The following PTPRD variants were observed in gnomAD, a reference collection of about 807,000 sequenced individuals.
PTPRD encodes the protein protein tyrosine phosphatase receptor type D.
PTPRD carries 34 observed loss-of-function variants against 214.5 expected under a neutral mutation model. The ratio of observed to expected loss-of-function variants is 0.16; its 90% CI spans 0.12 to 0.21. PTPRD has a LOEUF of 0.21. PTPRD is among the 10% of genes least tolerant of loss of function. The pLI is 1.00. For synonymous variants in PTPRD, 1,128 were observed against 845.7 expected (o/e 1.33, Z -5.79); for missense variants, 2,545 against 2,398.7 (o/e 1.06, Z -1.27).
chr9:9,369,542 T>A (rs1450223702), intron 9 of PTPRD, among the ~76,000 whole-genome samples: 5 of 152,138 alleles, frequency 3.3e-5, no homozygotes, highest in African/African-American at 1.2e-4. Context: ...TGCAAACATT[T>A]TCTCCCATTC....
At position 10,360,386 on chromosome 9, in the gene PTPRD, G is replaced by C. The variant is rs186668037; in HGVS notation, c.-599-19369C>G. On this transcript the variant is annotated intron_variant, in intron 2 of 45. Coordinates refer to ENST00000381196, the MANE Select transcript of PTPRD (RefSeq NM_002839.4). ...CATTTATTTTACTATATCAGACAAT[G>C]TCATGCCATTGCTAGCCATTCTGCA... Among the ~76,000 whole-genome samples, 35 of 152,320 alleles carry C rather than the reference G, an allele frequency of 2.3e-4. No homozygotes were observed. In the East Asian group the frequency reaches 3.9e-3, roughly 17 times the overall value.
chr9:10,056,044 C>T (rs988465348), intron 3 of PTPRD, among the ~76,000 whole-genome samples: 3 of 146,314 alleles, frequency 2.1e-5, no homozygotes, highest in East Asian at 1.9e-4. Context: ...ATTAAAGAGC[C>T]GGGCGCAGTG....
At chr9:8,324,881 C>T (rs954976180) in intron 44 of PTPRD, among the ~76,000 whole-genome samples, 4 of 152,122 alleles carry the variant, frequency 2.6e-5, no homozygotes, top group Admixed American at 6.6e-5. Flanking sequence ...ATATGTTTGT[C>T]TGCCGCATCA....
rs919011152 is a variant in PTPRD at position 9,537,256 on chromosome 9, GA to G, written c.-237+37475del. On this transcript the variant is annotated intron_variant, in intron 8 of 45. Coordinates refer to ENST00000381196, the MANE Select transcript of PTPRD (RefSeq NM_002839.4). ...TCTTTTCATTTTTTTTATTTTTATA[GA>G]AAAAAACGAAGTTTTAACGAACTTC... Among the ~76,000 whole-genome samples the G allele has an allele frequency of 5.8e-4, 88 of 151,682 alleles. 1 individual carries two copies. Among genetic ancestry groups the G allele is most frequent in the Admixed American group, 3.1e-3 (47 of 15,214 alleles).
chr9:9,334,803 G>A (rs909021519), intron 9 of PTPRD, among the ~76,000 whole-genome samples: 3 of 151,802 alleles, frequency 2.0e-5, no homozygotes, highest in African/African-American at 7.2e-5. Context: ...TTGTTCAGAA[G>A]TGCAGAGAAA....
chr9:8,548,961 G>A (rs539837517), intron 14 of PTPRD, among the ~76,000 whole-genome samples: 1 of 152,148 alleles, frequency 6.6e-6, no homozygotes, highest in African/African-American at 2.4e-5. Context: ...AAAGTGATGG[G>A]ATTACAGATG....
At chr9:8,691,456 G>A (rs559313910) in intron 12 of PTPRD, among the ~76,000 whole-genome samples, 2 of 150,042 alleles carry the variant, frequency 1.3e-5, no homozygotes, top group Admixed American at 1.3e-4. Flanking sequence ...TTTGAACAAG[G>A]GATAAAGAGA....
At chr9:8,957,801 GC>G (rs773602782) in intron 11 of PTPRD, among the ~76,000 whole-genome samples, 17 of 151,772 alleles carry the variant, frequency 1.1e-4, no homozygotes, top group Non-Finnish European at 5.9e-5. Flanking sequence ...TGCTGAGTAT[GC>G]AAGTGCTGGG....
intron 10 of PTPRD, among the ~76,000 whole-genome samples, chr9:9,139,651 G>C (rs932152429): frequency 1.3e-5 from 2 of 152,138 alleles, no homozygotes; most frequent in Admixed American, 6.5e-5. Context: ...GAGTGGGACT[G>C]CACAAGATTT....
intron 9 of PTPRD, among the ~76,000 whole-genome samples, chr9:9,321,014 T>C (rs1256527748): frequency 6.6e-6 from 1 of 152,142 alleles, no homozygotes; most frequent in African/African-American, 2.4e-5. Flanking sequence ...TCAGTGAATG[T>C]TCAAGAAATA....
At chr9:9,490,220 T>C (rs1474902911) in intron 8 of PTPRD, among the ~76,000 whole-genome samples, 2 of 152,036 alleles carry the variant, frequency 1.3e-5, no homozygotes, top group Non-Finnish European at 1.5e-5. Flanking sequence ...TTGCTGGAGT[T>C]TGTTACCACT....
At chr9:9,584,548 G>C (rs2091558257) in intron 7 of PTPRD, among the ~76,000 whole-genome samples, 2 of 151,688 alleles carry the variant, frequency 1.3e-5, no homozygotes, top group Admixed American at 1.3e-4. Context: ...GACATGACTT[G>C]TTCACATATT....
intron 2 of PTPRD, among the ~76,000 whole-genome samples, chr9:10,373,617 G>C (rs1000695991): frequency 5.3e-5 from 8 of 152,032 alleles, no homozygotes; most frequent in Admixed American, 1.3e-4. Flanking sequence ...TCTTATTGCA[G>C]GAACCTGAGC....
intron 9 of PTPRD, among the ~76,000 whole-genome samples, chr9:9,385,253 G>T (rs1310956330): frequency 2.6e-5 from 4 of 152,108 alleles, no homozygotes; most frequent in Non-Finnish European, 5.9e-5. Context: ...GCACTATGAA[G>T]ACAGCCAGAA....
At chr9:10,607,650 C>A (rs540180775) in intron 2 of PTPRD, among the ~76,000 whole-genome samples, 2 of 151,736 alleles carry the variant, frequency 1.3e-5, no homozygotes, top group African/African-American at 4.8e-5. Context: ...ATATTCCTAT[C>A]ACATATAGAA....
chr9:10,280,360 C>CACA (rs752581841), intron 3 of PTPRD, among the ~76,000 whole-genome samples: 5,495 of 144,792 alleles, frequency 0.038, 334 homozygotes, highest in African/African-American at 0.13. Flanking sequence ...TACATAAACA[C>CACA]CACACACACA....
intron 11 of PTPRD, among the ~76,000 whole-genome samples, chr9:8,788,015 G>C (rs1357296491): frequency 1.3e-5 from 2 of 152,114 alleles, no homozygotes; most frequent in Non-Finnish European, 2.9e-5. Context: ...ACTTTGAGAA[G>C]TAAATGAATC....
At chr9:10,473,802 T>C (rs913920310) in intron 2 of PTPRD, among the ~76,000 whole-genome samples, 1 of 152,134 alleles carries the variant, frequency 6.6e-6, no homozygotes, top group South Asian at 2.1e-4. Flanking sequence ...TGAAACATTC[T>C]TGGATCATTA....
intron 7 of PTPRD, among the ~76,000 whole-genome samples, chr9:9,699,469 C>T (rs2097448845): frequency 6.6e-6 from 1 of 152,086 alleles, no homozygotes; most frequent in African/African-American, 2.4e-5. Context: ...TTTGGTGCCA[C>T]ATTCTCAGAG....
Sources: gnomAD v4.1 joint callset for allele counts (sites outside exome capture counted in the v4.1 genomes callset) on GRCh38, gnomAD v4.1.1 for gene constraint, MANE v1.5 for transcripts, NCBI Gene and HGNC (gene_info 2026-07-23, HGNC 2026-07-21) for gene names.